Variants in STX18 observed in about 807,000 individuals in gnomAD.
The protein encoded by STX18 is syntaxin-18.
A neutral mutation model predicts 50.1 loss-of-function variants in STX18; 40 were observed. That is an observed-to-expected ratio of 0.80 (90% confidence interval 0.62 to 1.04). STX18 has a LOEUF of 1.04. Ranked by LOEUF, STX18 falls within the 50% of genes least tolerant of loss-of-function variation. The pLI is 0.00. For synonymous variants in STX18, 158 were observed against 151.8 expected, an observed-to-expected ratio of 1.04 and a Z score of -0.30; for missense variants, 410 against 415.8, an observed-to-expected ratio of 0.99 and a Z score of 0.12.
At chr4:4,459,296 G>T in intron 3 of STX18, 76 bp downstream of exon 3, 2 of 1,022,278 alleles carry the variant, frequency 2.0e-6, no homozygotes, top group South Asian at 1.4e-5. Context: ...AATTTTAACT[G>T]GCCGCACCAT....
chr4:4,473,291 CTTTTTTTTTT>C (rs565584459), intron 1 of STX18, among the ~76,000 whole-genome samples: 4 of 134,682 alleles, frequency 3.0e-5, no homozygotes, highest in Non-Finnish European at 6.4e-5. Flanking sequence ...GGAAATCTGA[CTTTTTTTTTT>C]TTTTTTTTTG....
chr4:4,506,615 C>T (rs1729718109), intron 1 of STX18, among the ~76,000 whole-genome samples: 1 of 152,188 alleles, frequency 6.6e-6, no homozygotes, highest in Admixed American at 6.5e-5. Context: ...CACACATACA[C>T]ACACAGGGAG....
intron 2 of STX18, chr4:4,462,095 T>C: frequency 2.4e-6 from 1 of 424,356 alleles, no homozygotes; most frequent in Non-Finnish European, 4.7e-6. Context: ...ACCTAGATTT[T>C]ACCAATGATA....
chr4:4,523,288 TAG>T (rs1338330978), intron 1 of STX18, among the ~76,000 whole-genome samples: 1 of 152,190 alleles, frequency 6.6e-6, no homozygotes, highest in African/African-American at 2.4e-5. Context: ...TTCTCAAATG[TAG>T]TCTTTTCCCA....
At chr4:4,518,029 T>TC (rs1181615395) in intron 1 of STX18, among the ~76,000 whole-genome samples, 1 of 152,196 alleles carries the variant, frequency 6.6e-6, no homozygotes, top group African/African-American at 2.4e-5. Flanking sequence ...TGCCTTGGCC[T>TC]CCCAAAGTAC....
rs183859067 is a variant in STX18 at position 4,458,812 on chromosome 4, T to G, written c.352+560A>C. Among the ~76,000 whole-genome samples the G allele has an allele frequency of 2.0e-5, 3 of 152,334 alleles. No homozygotes were observed. The East Asian group carries it at 5.8e-4, about 29-fold the overall frequency. The stretch of plus-strand genomic sequence containing the variant: ...ACAAGGCCCAGGGAGATTAAGTGAT[T>G]TGCAGAGGGCTATATGGCTCGGACG... On this transcript the variant is annotated intron_variant, in intron 3 of 10. Coordinates refer to ENST00000306200, the MANE Select transcript of STX18 (RefSeq NM_016930.4).
chr4:4,505,666 G>A (rs1729670937), intron 1 of STX18, among the ~76,000 whole-genome samples: 1 of 151,826 alleles, frequency 6.6e-6, no homozygotes, highest in Non-Finnish European at 1.5e-5. Flanking sequence ...GTGCACATCT[G>A]TAATCCCAGC....
chr4:4,456,271 A>C (rs536275378), intron 5 of STX18, among the ~76,000 whole-genome samples: 2 of 151,998 alleles, frequency 1.3e-5, no homozygotes, highest in African/African-American at 4.8e-5. Context: ...AACAAAAAAA[A>C]CAAAAAAAAA....
chr4:4,534,890 G>A (rs536063598), intron 1 of STX18, among the ~76,000 whole-genome samples: 1 of 152,320 alleles, frequency 6.6e-6, no homozygotes, highest in East Asian at 1.9e-4. Context: ...ACACAACTAG[G>A]CAGTGGGCCG....
In STX18 at chr4:4,459,487, G is replaced by A. The variant is rs770683875; in HGVS notation, c.237C>T (p.Ser79=). 1 of 1,607,296 alleles carries A rather than the reference G, an allele frequency of 6.2e-7. No individual in the cohort carries two copies. Among genetic ancestry groups the A allele is most frequent in the Non-Finnish European group, 8.5e-7 (1 of 1,174,104 alleles). ...TCCTCCCATATTCAGACATGGTATG[G>A]CTAAAAAAAGACAGCAAAGGAAAGG... ...EHRKDYINAY[S]HTMSEYGRMT... Residue 79 remains serine, a splice_region_variant and synonymous_variant, in exon 3 of 11, where the codon AGC becomes AGT. Transcript: ENST00000306200.
rs1282627191 is a variant in STX18, at chr4:4,471,652, T to C, written c.223A>G (p.Ile75Val). 1 of 1,578,350 alleles carries C rather than the reference T, an allele frequency of 6.3e-7. No individual in the cohort carries two copies. The highest frequency in any genetic ancestry group is 2.3e-5 in the East Asian group (1 of 44,396). ...DFLLEHRKDYINAYSHTMSEY... is the reference protein window; with the variant it reads ...DFLLEHRKDYVNAYSHTMSEY... The stretch of plus-strand genomic sequence containing the variant: ...ATATGTACTTACCTATAAGCATTAA[T>C]ATAATCTTTCCTGTGTTCCAGAAGA... The change falls in exon 2 of 11, where the codon ATT becomes GTT. Residue 75 changes from isoleucine (I) to valine (V), a missense_variant. Transcript: ENST00000306200.
chr4:4,470,336 T>G (rs549950543), intron 2 of STX18, among the ~76,000 whole-genome samples: 1 of 152,244 alleles, frequency 6.6e-6, no homozygotes, highest in South Asian at 2.1e-4. Context: ...CAAAAATGTC[T>G]CCAGACATTG....
At chr4:4,527,781 T>A (rs1406846810) in intron 1 of STX18, among the ~76,000 whole-genome samples, 2 of 146,758 alleles carry the variant, frequency 1.4e-5, no homozygotes, top group African/African-American at 5.0e-5. Context: ...AAATTATATA[T>A]ATATAATTTT....
intron 1 of STX18, among the ~76,000 whole-genome samples, chr4:4,520,521 C>CTA (rs1232579725): frequency 6.6e-6 from 1 of 152,142 alleles, no homozygotes; most frequent in African/African-American, 2.4e-5. Context: ...ACCTAAAAAG[C>CTA]TATACTATTA....
intron 5 of STX18, among the ~76,000 whole-genome samples, chr4:4,448,543 T>C (rs949364135): frequency 1.3e-5 from 2 of 152,270 alleles, no homozygotes; most frequent in South Asian, 4.1e-4. Flanking sequence ...GGTTTTGCCA[T>C]GTTGACCAGG....
chr4:4,533,346 G>A (rs556843891), intron 1 of STX18, among the ~76,000 whole-genome samples: 1 of 152,246 alleles, frequency 6.6e-6, no homozygotes, highest in South Asian at 2.1e-4. Context: ...TTTCCATGTA[G>A]TAAGAGACGT....
chr4:4,522,723 G>A (rs927277063), intron 1 of STX18, among the ~76,000 whole-genome samples: 6 of 139,646 alleles, frequency 4.3e-5, no homozygotes, highest in Non-Finnish European at 8.4e-5. Context: ...AAGAAACAAA[G>A]AAAAGTATAA....
intron 1 of STX18, among the ~76,000 whole-genome samples, chr4:4,497,488 A>G (rs2108872792): frequency 6.6e-6 from 1 of 152,332 alleles, no homozygotes; most frequent in East Asian, 1.9e-4. Context: ...CACTTACGTA[A>G]CGCTATGCAC....
At chr4:4,482,128 T>G (rs1008608162) in intron 1 of STX18, among the ~76,000 whole-genome samples, 1 of 152,158 alleles carries the variant, frequency 6.6e-6, no homozygotes, top group African/African-American at 2.4e-5. Flanking sequence ...ATAACTCCTT[T>G]TCTTCACCTT....
Sources: allele counts gnomAD v4.1 joint callset (sites outside exome capture counted in the v4.1 genomes callset), GRCh38; gene constraint gnomAD v4.1.1; transcripts MANE v1.5; gene names NCBI Gene and HGNC (gene_info 2026-07-23, HGNC 2026-07-21).